SCN7A: variants seen among roughly 807,000 people sequenced by gnomAD.
SCN7A encodes the protein sodium channel protein type 7 subunit alpha.
A neutral mutation model predicts 155.2 loss-of-function variants in SCN7A; 138 were observed. The observed-to-expected ratio is 0.89, with a 90% CI of 0.77 to 1.02. SCN7A has a LOEUF of 1.02. SCN7A is among the 50% of genes least tolerant of loss of function. The pLI, the probability that SCN7A is intolerant of heterozygous loss-of-function variation, is 0.00. For synonymous variants in SCN7A, 693 were observed against 649.0 expected (o/e 1.07, Z -1.03); for missense variants, 2,058 against 1,986.6 (o/e 1.04, Z -0.68).
At position 166,421,281 on chromosome 2, in the gene SCN7A, A is replaced by G. The variant is rs1701504797; in HGVS notation, c.3044T>C (p.Leu1015Ser). 6.6e-7 allele frequency: 1 copy of G among 1,518,748 alleles called. No homozygotes were observed. Among genetic ancestry groups the G allele is most frequent in the Non-Finnish European group, 8.8e-7 (1 of 1,135,006 alleles). 94.1% of individuals were successfully genotyped at this position (1,518,748 alleles called of 1,614,324 possible). Residue 1015 changes from leucine (L) to serine (S), a missense_variant, in exon 20 of 26, where the codon TTA (leucine) becomes TCA (serine). Coordinates refer to ENST00000643258, the MANE Select transcript of SCN7A (RefSeq NM_002976.4). ...TAGTTCTTCCCGAGTTTTGCCTATT[A>G]AGCTAAGACAAAACACCTATATATT... ...FVVVIVFCLS[L>S]IGKTREELKP... is the part of the protein sequence containing the mutation.
At chr2:166,464,660 G>A (rs1702488136) in intron 9 of SCN7A, among the ~76,000 whole-genome samples, 1 of 152,000 alleles carries the variant, frequency 6.6e-6, no homozygotes, top group African/African-American at 2.4e-5. Flanking sequence ...TGTTGCCCAG[G>A]TTGGCCTCAA....
intron 25 of SCN7A, among the ~76,000 whole-genome samples, chr2:166,407,445 T>C (rs1240580977): frequency 1.3e-5 from 2 of 151,982 alleles, no homozygotes; most frequent in African/African-American, 4.8e-5. Flanking sequence ...CCACGAGGCT[T>C]CTAAGTGATA....
chr2:166,439,020 TACATACACACACATAC>T, intron 15 of SCN7A, among the ~76,000 whole-genome samples: 1 of 131,418 alleles, frequency 7.6e-6, no homozygotes, highest in African/African-American at 2.8e-5. Flanking sequence ...TATGTATATA[TACATACACACACATAC>T]ATATATGTGT....
At position 166,417,077 on chromosome 2, in the gene SCN7A, C is replaced by T. The variant is rs975275393; in HGVS notation, c.3136-92G>A. 4 of 991,010 alleles carry T rather than the reference C, an allele frequency of 4.0e-6. No homozygotes were observed. The African/African-American group carries it at 6.7e-5, about 16-fold the overall frequency. 61.4% of individuals were successfully genotyped at this position (991,010 alleles called of 1,614,324 possible). ...TGAAAAATACTAATTGATAGAATAA[C>T]ATATTTAAAAAAAAACCTTAAAAGG... On this transcript the variant is annotated intron_variant, in intron 20 of 25. Transcript: ENST00000643258.
chr2:166,421,039 C>G, intron 20 of SCN7A, 151 bp downstream of exon 20: 1 of 511,150 alleles, frequency 2.0e-6, no homozygotes, highest in Non-Finnish European at 3.4e-6. Flanking sequence ...CATACCTATT[C>G]CTCTCTATTT....
chr2:166,476,076 G>A (rs1702791199), intron 3 of SCN7A, among the ~76,000 whole-genome samples: 1 of 151,858 alleles, frequency 6.6e-6, no homozygotes, highest in South Asian at 2.1e-4. Context: ...AAAACTGAAT[G>A]TAGAGGTAAT....
intron 20 of SCN7A, among the ~76,000 whole-genome samples, chr2:166,420,024 T>A (rs1049195487): frequency 6.6e-6 from 1 of 152,128 alleles, no homozygotes; most frequent in South Asian, 2.1e-4. Context: ...AAGAATATTA[T>A]AATGAATCAC....
intron 7 of SCN7A, among the ~76,000 whole-genome samples, chr2:166,466,365 C>G (rs866655247): frequency 1.3e-5 from 2 of 151,966 alleles, no homozygotes. Context: ...AAAAAAGAAA[C>G]AGTTTGAAAC....
chr2:166,470,563 A>G, intron 7 of SCN7A, 52 bp downstream of exon 7: 1 of 1,461,558 alleles, frequency 6.8e-7, no homozygotes, highest in Non-Finnish European at 9.4e-7. Context: ...AAGTGAATAC[A>G]TGGCAGTACA....
intron 9 of SCN7A, among the ~76,000 whole-genome samples, chr2:166,463,118 C>A (rs1702451028): frequency 6.6e-6 from 1 of 152,066 alleles, no homozygotes; most frequent in Non-Finnish European, 1.5e-5. Flanking sequence ...CATGTAAAGC[C>A]CTTAGAACCC....
Position 166,487,218 on chromosome 2 carries a change from A to G in SCN7A, c.-127-250T>C, listed in dbSNP as rs552195370. ...ATTACATCCTTTTTCCTTTTCAGAA[A>G]CATCCTGAGTTGGATGATAAATTAC... On this transcript the variant is annotated intron_variant, in intron 1 of 25. Transcript: ENST00000643258. Among the ~76,000 whole-genome samples, 66 of 152,238 alleles carry G rather than the reference A, an allele frequency of 4.3e-4. No homozygotes were observed. The South Asian group carries it at 0.013, about 31-fold the overall frequency.
At chr2:166,435,571 T>C (rs1003786723) in intron 15 of SCN7A, among the ~76,000 whole-genome samples, 9 of 152,146 alleles carry the variant, frequency 5.9e-5, no homozygotes, top group Non-Finnish European at 1.2e-4. Context: ...AGGAAGAAAG[T>C]TCAAGATTTA....
chr2:166,443,317 G>A (rs1193708955), intron 14 of SCN7A, among the ~76,000 whole-genome samples, 186 bp downstream of exon 14: 1 of 152,052 alleles, frequency 6.6e-6, no homozygotes, highest in African/African-American at 2.4e-5. Context: ...TTTTAACACT[G>A]TGGTCAAATA....
At chr2:166,433,907 G>T (rs1002110676) in intron 15 of SCN7A, among the ~76,000 whole-genome samples, 4 of 152,218 alleles carry the variant, frequency 2.6e-5, no homozygotes, top group African/African-American at 9.6e-5. Context: ...TTAACTCAAA[G>T]ATAGTGTATA....
Position 166,412,591 on chromosome 2 carries a change from A to T in SCN7A, c.3545T>A (p.Phe1182Tyr). ...YFINFIIFGV[F>Y]LPLSMLITVI... Reference sequence around the variant, plus strand: ...AGTAATCAGCATACTCAGAGGGAGAAATACTCCAAATATAATAAAGTTGAT... The same window carrying T: ...AGTAATCAGCATACTCAGAGGGAGATATACTCCAAATATAATAAAGTTGAT... Residue 1182 changes from phenylalanine to tyrosine, a missense_variant, in exon 23 of 26, where the codon TTT (phenylalanine) becomes TAT (tyrosine). Transcript: ENST00000643258. 3 of 1,520,530 alleles carry T rather than the reference A, an allele frequency of 2.0e-6. No individual in the cohort carries two copies. The allele number at this position is 1,520,530 out of a possible 1,614,324, so 94.2% of individuals were successfully genotyped here.
intron 20 of SCN7A, among the ~76,000 whole-genome samples, chr2:166,419,656 C>A (rs934967148): frequency 6.6e-6 from 1 of 152,010 alleles, no homozygotes; most frequent in Non-Finnish European, 1.5e-5. Flanking sequence ...TGTAAGCCAC[C>A]GTGCCTAGGC....
At chr2:166,421,108 A>C in intron 20 of SCN7A, 82 bp downstream of exon 20, 1 of 875,896 alleles carries the variant, frequency 1.1e-6, no homozygotes, top group Non-Finnish European at 1.8e-6. Flanking sequence ...ACAAACGAGA[A>C]GAAAACAAAG....
At chr2:166,439,313 T>C (rs1182812862) in intron 15 of SCN7A, among the ~76,000 whole-genome samples, 3 of 151,872 alleles carry the variant, frequency 2.0e-5, no homozygotes, top group Admixed American at 6.6e-5. Flanking sequence ...CCCTGGGCAA[T>C]GGAGATTAGT....
intron 15 of SCN7A, among the ~76,000 whole-genome samples, chr2:166,439,347 T>C (rs1178017779): frequency 2.6e-5 from 4 of 151,984 alleles, no homozygotes; most frequent in African/African-American, 7.2e-5. Context: ...GTGATTCAGC[T>C]AATGAGATAA....
Sources: allele counts gnomAD v4.1 joint callset (sites outside exome capture counted in the v4.1 genomes callset), GRCh38; gene constraint gnomAD v4.1.1; transcripts MANE v1.5; gene names NCBI Gene and HGNC (gene_info 2026-07-23, HGNC 2026-07-21).